Variants in MAD1L1 observed in about 807,000 individuals in gnomAD.
MAD1L1 encodes mitotic spindle assembly checkpoint protein MAD1.
A neutral mutation model predicts 96.9 loss-of-function variants in MAD1L1; 95 were observed. The ratio of observed to expected loss-of-function variants is 0.98; its 90% confidence interval spans 0.83 to 1.16. The LOEUF (loss-of-function observed/expected upper bound fraction) is 1.16, where lower values mean the gene tolerates loss of function less well. Ranked by LOEUF, MAD1L1 falls within the 50% of genes most tolerant of loss-of-function variation. MAD1L1 has a pLI of 0.00. For synonymous variants in MAD1L1, 473 were observed against 396.6 expected (o/e 1.19, Z -2.29); for missense variants, 1,007 against 954.4 (o/e 1.06, Z -0.73).
chr7:1,969,883 G>T (rs544062257), intron 15 of MAD1L1, among the ~76,000 whole-genome samples: 1 of 152,344 alleles, frequency 6.6e-6, no homozygotes, highest in East Asian at 1.9e-4. Context: ...CTAAGTAAAT[G>T]TAAAGCCATC....
At chr7:1,847,407 G>A (rs1010891996) in intron 18 of MAD1L1, 7 of 470,652 alleles carry the variant, frequency 1.5e-5, no homozygotes, top group Non-Finnish European at 2.6e-5. Context: ...GATGTGGGGG[G>A]CCCGATGTAT....
chr7:2,095,280 G>A (rs777185867), intron 11 of MAD1L1, among the ~76,000 whole-genome samples: 5 of 152,266 alleles, frequency 3.3e-5, no homozygotes, highest in South Asian at 2.1e-4. Flanking sequence ...TCTTGACCTC[G>A]TGATCCACCC....
At chr7:2,097,265 G>A (rs1249562466) in intron 11 of MAD1L1, among the ~76,000 whole-genome samples, 1 of 152,118 alleles carries the variant, frequency 6.6e-6, no homozygotes, top group Non-Finnish European at 1.5e-5. Context: ...CCCCACTCAG[G>A]CCTCAACGTC....
chr7:1,898,522 C>T lies in MAD1L1; in HGVS notation c.1808-132G>A, dbSNP rs1484831209. 2.8e-5 allele frequency: 19 copies of T among 682,038 alleles called. 1 individual carries two copies. The highest frequency in any genetic ancestry group is 2.4e-4 in the South Asian group (13 of 53,590). The allele number at this position is 682,038 out of a possible 1,614,324, so 42.2% of individuals were successfully genotyped here. ...GCTGCCCAGGGACACAGCAAGCCCC[C>T]GTGTCACACCAGCCAGCCTCCATCG... On this transcript the variant is annotated intron_variant, in intron 17 of 18. Coordinates refer to ENST00000265854, the MANE Select transcript of MAD1L1 (RefSeq NM_001013836.2).
intron 14 of MAD1L1, among the ~76,000 whole-genome samples, chr7:1,997,218 T>C (rs1410057870): frequency 6.6e-6 from 1 of 152,234 alleles, no homozygotes. Context: ...TCTCATTTCC[T>C]AAATAACAAA....
At chr7:1,988,011 G>A (rs1182934047) in intron 14 of MAD1L1, among the ~76,000 whole-genome samples, 2 of 152,166 alleles carry the variant, frequency 1.3e-5, no homozygotes, top group East Asian at 1.9e-4. Flanking sequence ...CATCCTCACC[G>A]AGGACCTGTA....
chr7:1,920,106 T>C (rs1255162124), intron 17 of MAD1L1, among the ~76,000 whole-genome samples: 1 of 152,170 alleles, frequency 6.6e-6, no homozygotes, highest in African/African-American at 2.4e-5. Flanking sequence ...GCCGGGGCTG[T>C]GTGGGCCCAG....
chr7:1,888,264 G>T (rs1233237501), intron 18 of MAD1L1, among the ~76,000 whole-genome samples: 1 of 128,838 alleles, frequency 7.8e-6, no homozygotes, highest in Non-Finnish European at 1.8e-5. Flanking sequence ...GTATGCATGG[G>T]TGCAGCTGCC....
chr7:2,047,440 C>A (rs1783975200), intron 12 of MAD1L1, among the ~76,000 whole-genome samples: 1 of 152,198 alleles, frequency 6.6e-6, no homozygotes, highest in South Asian at 2.1e-4. Context: ...ATTCTACACT[C>A]CCTGCATCTG....
intron 16 of MAD1L1, among the ~76,000 whole-genome samples, chr7:1,947,428 C>T (rs1351432690): frequency 1.3e-5 from 2 of 152,352 alleles, no homozygotes; most frequent in African/African-American, 4.8e-5. Flanking sequence ...ATAGATCGTC[C>T]GGCGTCAAAA....
chr7:1,898,878 G>C (rs975886350), intron 17 of MAD1L1, among the ~76,000 whole-genome samples: 1 of 152,174 alleles, frequency 6.6e-6, no homozygotes, highest in Non-Finnish European at 1.5e-5. Context: ...GGGCTGCCAC[G>C]CCACCCAGTG....
At chr7:1,900,067 C>T (rs529575534) in intron 17 of MAD1L1, among the ~76,000 whole-genome samples, 4 of 152,206 alleles carry the variant, frequency 2.6e-5, no homozygotes, top group Non-Finnish European at 5.9e-5. Context: ...CGGAGGCCAC[C>T]GCCGAGAGCG....
rs564425062 is a variant in MAD1L1 at position 2,016,234 on chromosome 7, A to G, written c.1219-1592T>C. ...CCCCTTCCCAACACACATGCTGCGC[A>G]AGGGGCCAATGCTCCGGCACAGCCC... On this transcript the variant is annotated intron_variant, in intron 12 of 18. Transcript: ENST00000265854. Among the ~76,000 whole-genome samples, 4 of 152,178 alleles carry G rather than the reference A, an allele frequency of 2.6e-5. No individual in the cohort carries two copies. In the South Asian group the frequency reaches 8.3e-4, roughly 32 times the overall value.
chr7:1,837,861 G>A (rs1409237301), intron 18 of MAD1L1, among the ~76,000 whole-genome samples: 1 of 152,244 alleles, frequency 6.6e-6, no homozygotes, highest in Non-Finnish European at 1.5e-5. Context: ...GGCCTCACGG[G>A]TGCGTGTATA....
intron 14 of MAD1L1, among the ~76,000 whole-genome samples, chr7:2,001,402 T>C (rs1584040583): frequency 6.6e-6 from 1 of 152,220 alleles, no homozygotes; most frequent in African/African-American, 2.4e-5. Context: ...GCAAAGCCCA[T>C]TTGTTCCCTA....
intron 10 of MAD1L1, among the ~76,000 whole-genome samples, chr7:2,204,479 G>C (rs1792486792): frequency 6.6e-6 from 1 of 152,232 alleles, no homozygotes; most frequent in African/African-American, 2.4e-5. Flanking sequence ...CCCAGCACGA[G>C]ACTCCAGGGA....
chr7:1,920,830 C>T (rs1413699259), intron 17 of MAD1L1, among the ~76,000 whole-genome samples: 1 of 152,220 alleles, frequency 6.6e-6, no homozygotes, highest in Non-Finnish European at 1.5e-5. Context: ...TAACGATGCA[C>T]GAACACTGTG....
chr7:1,892,398 G>A (rs1015013541), intron 18 of MAD1L1, among the ~76,000 whole-genome samples: 1 of 152,204 alleles, frequency 6.6e-6, no homozygotes, highest in Non-Finnish European at 1.5e-5. Flanking sequence ...ACAGGTGAGT[G>A]CTGAGTATCC....
At chr7:2,102,540 C>T (rs987679198) in intron 11 of MAD1L1, among the ~76,000 whole-genome samples, 1 of 152,068 alleles carries the variant, frequency 6.6e-6, no homozygotes, top group African/African-American at 2.4e-5. Context: ...CCATCACCAC[C>T]ACCGTCACCA....
Sources: allele counts gnomAD v4.1 joint callset (sites outside exome capture counted in the v4.1 genomes callset), GRCh38; gene constraint gnomAD v4.1.1; transcripts MANE v1.5; gene names NCBI Gene and HGNC (gene_info 2026-07-23, HGNC 2026-07-21).